The following PRKN variants were observed in gnomAD, a reference collection of about 807,000 sequenced individuals.
PRKN encodes the protein parkin RBR E3 ubiquitin protein ligase.
A neutral mutation model predicts 59.5 loss-of-function variants in PRKN; 56 were observed. The observed-to-expected ratio is 0.94, with a 90% CI of 0.76 to 1.18. The LOEUF is 1.18. Among genes scored for constraint, PRKN ranks in the 50% most tolerant of loss-of-function variants. The probability of loss-of-function intolerance (pLI) is 0.00; values close to 1 mark genes in which losing one functional copy is unlikely to be tolerated. For missense variants in PRKN, 657 were observed against 596.4 expected (o/e 1.10, Z -1.06); for synonymous variants, 250 against 222.1 (o/e 1.13, Z -1.12).
intron 7 of PRKN, among the ~76,000 whole-genome samples, chr6:161,670,792 G>A (rs1784880395): frequency 6.7e-6 from 1 of 150,078 alleles, no homozygotes; most frequent in Admixed American, 6.8e-5. Context: ...CTCCAGCCTA[G>A]CAACAGAGCG....
intron 4 of PRKN, among the ~76,000 whole-genome samples, chr6:162,192,982 C>A (rs1231779377): frequency 6.6e-6 from 1 of 152,114 alleles, no homozygotes; most frequent in Non-Finnish European, 1.5e-5. Context: ...GCAAGACCGA[C>A]TTCTTTTTCT....
At chr6:161,926,328 T>C (rs1173616881) in intron 6 of PRKN, among the ~76,000 whole-genome samples, 1 of 152,176 alleles carries the variant, frequency 6.6e-6, no homozygotes, top group Non-Finnish European at 1.5e-5. Context: ...AGCTGAGTGA[T>C]GATTCCTTTG....
At chr6:162,041,492 C>T (rs1268346756) in intron 5 of PRKN, among the ~76,000 whole-genome samples, 1 of 152,178 alleles carries the variant, frequency 6.6e-6, no homozygotes, top group Admixed American at 6.5e-5. Context: ...AGGCCCCACC[C>T]ATTCCCCCAC....
intron 7 of PRKN, among the ~76,000 whole-genome samples, chr6:161,772,652 G>A (rs1789744898): frequency 6.6e-6 from 1 of 152,090 alleles, no homozygotes; most frequent in African/African-American, 2.4e-5. Flanking sequence ...AACTGATCTT[G>A]TCATCCAAGC....
chr6:161,686,134 T>C (rs1344212891), intron 7 of PRKN, among the ~76,000 whole-genome samples: 1 of 133,850 alleles, frequency 7.5e-6, no homozygotes, highest in Admixed American at 7.5e-5. Flanking sequence ...TTGTAGAAAA[T>C]AGTAAATTTG....
chr6:162,435,911 C>A lies in PRKN; in HGVS notation c.171+7399G>T, dbSNP rs548717872. ...AACTATATTGGTCATTTGCAGAATT[C>A]TTTTATATACAAACAAAAAATCATG... On this transcript the variant is annotated intron_variant, in intron 2 of 11. Coordinates refer to ENST00000366898, the MANE Select transcript of PRKN (RefSeq NM_004562.3). 6.6e-5 allele frequency among the ~76,000 whole-genome samples: 10 copies of A among 152,156 alleles called. No individual in the cohort carries two copies. The East Asian group carries it at 1.9e-3, about 29-fold the overall frequency.
intron 6 of PRKN, among the ~76,000 whole-genome samples, chr6:161,871,358 C>T (rs55767138): frequency 0.079 from 11,979 of 152,058 alleles, 604 homozygotes; most frequent in African/African-American, 0.12. Flanking sequence ...AAGAGCCCTA[C>T]TTTGTATTAA....
rs555731108 is a variant in PRKN at position 162,143,728 on chromosome 6, G to A, written c.534+57403C>T. 2.2e-4 allele frequency among the ~76,000 whole-genome samples: 33 copies of A among 152,302 alleles called. 1 individual carries two copies. The South Asian group carries it at 6.0e-3, about 28-fold the overall frequency. On this transcript the variant is annotated intron_variant, in intron 4 of 11. Coordinates refer to ENST00000366898, the MANE Select transcript of PRKN (RefSeq NM_004562.3). ...GCACAGGGTATAATGAGATTGCCCA[G>A]GAGAAAAGTGTTTATTCTGTCTGCA...
intron 7 of PRKN, among the ~76,000 whole-genome samples, chr6:161,636,943 A>G (rs565185610): frequency 6.6e-6 from 1 of 152,128 alleles, no homozygotes; most frequent in Non-Finnish European, 1.5e-5. Context: ...TTTTAGATGA[A>G]GTTTTGCAGA....
At chr6:161,803,969 T>C (rs561481615) in intron 6 of PRKN, among the ~76,000 whole-genome samples, 8 of 152,168 alleles carry the variant, frequency 5.3e-5, no homozygotes, top group Non-Finnish European at 1.2e-4. Flanking sequence ...TGCCGATGTG[T>C]AGAGGTCAGA....
intron 5 of PRKN, among the ~76,000 whole-genome samples, chr6:162,023,423 C>G (rs1783289661): frequency 1.3e-5 from 2 of 152,244 alleles, no homozygotes; most frequent in South Asian, 4.1e-4. Context: ...GATGGGGCAG[C>G]AAGAAGGAAG....
Position 162,056,895 on chromosome 6 carries a change from G to C in PRKN, c.535-2721C>G, listed in dbSNP as rs1423041242. On this transcript the variant is annotated intron_variant, in intron 4 of 11. Transcript: ENST00000366898. This position sits in a 1 kb window ranked among gnomAD's most constrained non-coding sequence, Gnocchi z 4.9. Reference sequence around the variant, plus strand: ...GTTGTCACAACTGAGTGCCTCTCGAGTGACCACTGGGGGAGGACTCAGAGC... The same window carrying C: ...GTTGTCACAACTGAGTGCCTCTCGACTGACCACTGGGGGAGGACTCAGAGC... 1.3e-5 allele frequency among the ~76,000 whole-genome samples: 2 copies of C among 152,126 alleles called. No individual in the cohort carries two copies. The highest frequency in any genetic ancestry group is 2.9e-5 in the Non-Finnish European group (2 of 68,030).
chr6:161,676,927 T>C (rs1027357588), intron 7 of PRKN, among the ~76,000 whole-genome samples: 2 of 152,220 alleles, frequency 1.3e-5, no homozygotes. Flanking sequence ...TAAGTAGCTT[T>C]GTCTGCAATG....
At chr6:162,599,591 T>C (rs9355400) in intron 1 of PRKN, among the ~76,000 whole-genome samples, 1 of 152,212 alleles carries the variant, frequency 6.6e-6, no homozygotes, top group East Asian at 1.9e-4. Flanking sequence ...AAAGATCCTG[T>C]CAAGGCAGGC....
At chr6:161,625,785 C>T (rs1310416672) in intron 7 of PRKN, among the ~76,000 whole-genome samples, 1 of 151,968 alleles carries the variant, frequency 6.6e-6, no homozygotes, top group Non-Finnish European at 1.5e-5. Flanking sequence ...TTAAAAATGC[C>T]AGAACATTTC....
chr6:162,422,374 T>C (rs1047964920), intron 2 of PRKN, among the ~76,000 whole-genome samples: 1 of 152,138 alleles, frequency 6.6e-6, no homozygotes, highest in Non-Finnish European at 1.5e-5. Flanking sequence ...TGATGCATCA[T>C]TGATAGAAAT....
At chr6:162,467,522 T>C (rs146485188) in intron 1 of PRKN, among the ~76,000 whole-genome samples, 1 of 152,330 alleles carries the variant, frequency 6.6e-6, no homozygotes, top group African/African-American at 2.4e-5. Context: ...ATCCCTATCA[T>C]TGAGCCTTTG....
rs1278282379 is a variant in PRKN, at chr6:162,552,933, G to A, written c.8-109460C>T. Among the ~76,000 whole-genome samples, 5 of 152,134 alleles carry A rather than the reference G, an allele frequency of 3.3e-5. No homozygotes were observed. The East Asian group carries it at 9.7e-4, about 29-fold the overall frequency. ...ACGAAAGCAGAGTTTCAACCAGAGG[G>A]GGTGGTCCACAGTGCCCAGTGCTGG... On this transcript the variant is annotated intron_variant, in intron 1 of 11. Coordinates refer to ENST00000366898, the MANE Select transcript of PRKN (RefSeq NM_004562.3).
intron 7 of PRKN, among the ~76,000 whole-genome samples, chr6:161,684,462 C>T (rs1411177187): frequency 2.6e-5 from 4 of 152,000 alleles, no homozygotes; most frequent in African/African-American, 9.7e-5. Context: ...GCCTTTCTCC[C>T]CAATTGACTA....
Sources: gnomAD v4.1 joint callset for allele counts (sites outside exome capture counted in the v4.1 genomes callset) on GRCh38, gnomAD v4.1.1 for gene constraint, Gnocchi (gnomAD v3.1) non-coding constraint, MANE v1.5 for transcripts, NCBI Gene and HGNC (gene_info 2026-07-23, HGNC 2026-07-21) for gene names.